HSPD1: variants seen among roughly 807,000 people sequenced by gnomAD.
HSPD1 encodes heat shock protein family D (Hsp60) member 1, also known as 60 kDa heat shock protein, mitochondrial.
In HSPD1, 3 loss-of-function variants were observed where a neutral mutation model predicts 53.0. The observed-to-expected ratio is 0.06, with a 90% CI of 0.03 to 0.15. The LOEUF is 0.15. Among genes scored for constraint, HSPD1 ranks in the 10% least tolerant of loss-of-function variants. The pLI, the probability that HSPD1 is intolerant of heterozygous loss-of-function variation, is 1.00. For missense variants in HSPD1, 431 were observed against 694.1 expected, an observed-to-expected ratio of 0.62 and a Z score of 4.26; for synonymous variants, 200 against 228.0, an observed-to-expected ratio of 0.88 and a Z score of 1.10.
chr2:197,491,190 G>T (rs1414873561), intron 7 of HSPD1, among the ~76,000 whole-genome samples: 167 of 136,746 alleles, frequency 1.2e-3, no homozygotes, highest in African/African-American at 3.8e-3. Context: ...TTTTTTGTGT[G>T]TTTTTTTTTT....
intron 3 of HSPD1, among the ~76,000 whole-genome samples, chr2:197,496,204 A>C (rs2106078248): frequency 6.6e-6 from 1 of 152,302 alleles, no homozygotes; most frequent in South Asian, 2.1e-4. Context: ...TAATAGTCCC[A>C]TTTTGCTCAA....
chr2:197,496,674 A>G (rs959013885), intron 3 of HSPD1, among the ~76,000 whole-genome samples: 4 of 152,226 alleles, frequency 2.6e-5, no homozygotes, highest in Non-Finnish European at 5.9e-5. Context: ...ACACAAACCA[A>G]TAACATGGTG....
Position 197,495,396 on chromosome 2 carries a change from C to A in HSPD1, c.428-20G>T. Reference sequence around the variant, plus strand: ...TCACACCTAGTTCAACGATATATGTCATTACAATGTTTATTTCTCTCATGG... The same window carrying A: ...TCACACCTAGTTCAACGATATATGTAATTACAATGTTTATTTCTCTCATGG... On this transcript the variant is annotated intron_variant, in intron 3 of 11. Transcript: ENST00000388968. 6.9e-7 allele frequency: 1 copy of A among 1,444,096 alleles called. No homozygotes were observed. Among genetic ancestry groups the A allele is most frequent in the South Asian group, 1.1e-5 (1 of 87,622 alleles). 89.5% of individuals were successfully genotyped at this position (1,444,096 alleles called of 1,614,324 possible). A position where few individuals can be genotyped will look rare whatever the true frequency, so the allele number is the denominator to read the frequency against.
At chr2:197,500,139 A>C, upstream of HSPD1, 1 of 492,194 alleles carries the variant, frequency 2.0e-6, no homozygotes, top group Non-Finnish European at 3.7e-6. Flanking sequence ...CCGGGAGGGG[A>C]CGAAGGGGTA....
upstream of HSPD1, chr2:197,500,150 G>C: frequency 3.7e-6 from 2 of 538,318 alleles, 1 homozygote; most frequent in South Asian, 4.6e-5. Context: ...CGAAGGGGTA[G>C]TTCTTTCACC....
At chr2:197,493,570 C>T in intron 6 of HSPD1, 78 bp from the exon 7 acceptor site, 3 of 1,045,502 alleles carry the variant, frequency 2.9e-6, no homozygotes, top group Non-Finnish European at 4.4e-6. Flanking sequence ...AACCAAGGTT[C>T]CAATACACTT....
intron 10 of HSPD1, 115 bp from the exon 11 acceptor site, chr2:197,488,151 A>G (rs2086049419): frequency 1.0e-6 from 1 of 997,700 alleles, no homozygotes; most frequent in Non-Finnish European, 1.6e-6. Flanking sequence ...AGATCAAATC[A>G]TTTCCTCTGA....
chr2:197,495,274 G>GT lies in HSPD1; in HGVS notation c.510+19dup. 6.7e-7 allele frequency: 1 copy of GT among 1,483,520 alleles called. No homozygotes were observed. Among genetic ancestry groups the GT allele is most frequent in the South Asian group, 1.1e-5 (1 of 87,338 alleles). The allele number at this position is 1,483,520 out of a possible 1,614,324, so 91.9% of individuals were successfully genotyped here. A position where few individuals can be genotyped will look rare whatever the true frequency, so the allele number is the denominator to read the frequency against. On this transcript the variant is annotated intron_variant, in intron 4 of 11. Transcript: ENST00000388968. ...CCATTAAATTTTTTTTAAAAAACGT[G>GT]TAACATGTTAAGTCCTTACCTGTGC... is the stretch of plus-strand genomic sequence containing the variant.
In HSPD1 at chr2:197,499,827, G is replaced by A. The variant is rs2086221516; in HGVS notation, c.-48C>T. 6.6e-6 allele frequency: 1 copy of A among 152,256 alleles called. No homozygotes were observed. The allele number at this position is 152,256 out of a possible 1,614,324, so 9.4% of individuals were successfully genotyped here. ...GTGCGCTCGGCGAGACAGGTCGTCG[G>A]CGGCGAGTGAGGGACAGAGTGCAGG... On this transcript the variant is annotated 5_prime_UTR_variant, in exon 1 of 12. Transcript: ENST00000388968.
At chr2:197,500,264 C>A (rs1215317014), upstream of HSPD1, 3 of 800,810 alleles carry the variant, frequency 3.7e-6, no homozygotes, top group African/African-American at 3.5e-5. Context: ...AATCGCGGTG[C>A]GCGTCGGGGC....
At position 197,498,526 on chromosome 2, in the gene HSPD1, A is replaced by C. The variant is rs938072878; in HGVS notation, c.174+149T>G. 5 of 753,990 alleles carry C rather than the reference A, an allele frequency of 6.6e-6. No homozygotes were observed. In the Admixed American group the frequency reaches 1.1e-4, roughly 16 times the overall value. 46.7% of individuals were successfully genotyped at this position (753,990 alleles called of 1,614,324 possible). On this transcript the variant is annotated intron_variant, in intron 2 of 11. Coordinates refer to ENST00000388968, the MANE Select transcript of HSPD1 (RefSeq NM_002156.5). The stretch of plus-strand genomic sequence containing the variant: ...CTTTAAGATCATGTCTAAGAAAAAA[A>C]GGCTAACCAATACTTCAGAATTCTT...
intron 4 of HSPD1, 119 bp downstream of exon 4, chr2:197,495,175 T>A (rs2086142234): frequency 1.4e-6 from 1 of 698,244 alleles, no homozygotes; most frequent in African/African-American, 1.8e-5. Context: ...GAAACAATGA[T>A]TCTAATATTG....
intron 7 of HSPD1, among the ~76,000 whole-genome samples, chr2:197,492,793 C>T (rs923922252): frequency 6.6e-6 from 1 of 151,434 alleles, no homozygotes; most frequent in Non-Finnish European, 1.5e-5. Flanking sequence ...GGGCGGATCA[C>T]GAGGTCAGGA....
Position 197,493,657 on chromosome 2 carries a change from T to C in HSPD1, c.701-165A>G, listed in dbSNP as rs555485005. ...CTTTTGGAATATATACATTTATTTT[T>C]TAGAGGATGACACCAACTAATACCT... On this transcript the variant is annotated intron_variant, in intron 6 of 11. Coordinates refer to ENST00000388968, the MANE Select transcript of HSPD1 (RefSeq NM_002156.5). 7.2e-5 allele frequency among the ~76,000 whole-genome samples: 11 copies of C among 152,336 alleles called. No individual in the cohort carries two copies. The South Asian group carries it at 2.3e-3, about 32-fold the overall frequency.
Position 197,494,760 on chromosome 2 carries a change from A to C in HSPD1, c.511-8T>G, listed in dbSNP as rs760240799. ...TGCAGAAATCGTAGCAACCTGAAAT[A>C]ATCCAGTTACTCTTCGAAATTAAAA... On this transcript the variant is annotated splice_region_variant and splice_polypyrimidine_tract_variant and intron_variant, in intron 4 of 11. Transcript: ENST00000388968. 6.3e-7 allele frequency: 1 copy of C among 1,581,950 alleles called. No homozygotes were observed. Among genetic ancestry groups the C allele is most frequent in the Non-Finnish European group, 8.7e-7 (1 of 1,150,802 alleles).
chr2:197,498,288 C>G (rs567353521), intron 2 of HSPD1, among the ~76,000 whole-genome samples: 1 of 152,228 alleles, frequency 6.6e-6, no homozygotes, highest in African/African-American at 2.4e-5. Flanking sequence ...AAAAATTTAG[C>G]ATCTACAAGC....
At chr2:197,498,925 A>T (rs1675103239) in intron 1 of HSPD1, 75 bp from the exon 2 acceptor site, 1 of 1,332,668 alleles carries the variant, frequency 7.5e-7, no homozygotes, top group Non-Finnish European at 1.1e-6. Flanking sequence ...CCACCTGTGC[A>T]ACAGAGCAAG....
At chr2:197,491,769 A>G (rs977272470) in intron 7 of HSPD1, among the ~76,000 whole-genome samples, 4 of 152,236 alleles carry the variant, frequency 2.6e-5, no homozygotes, top group African/African-American at 9.6e-5. Flanking sequence ...ATAAGTGACT[A>G]GACCTCACCT....
Position 197,497,189 on chromosome 2 carries a change from T to A in HSPD1, c.378A>T (p.Glu126Asp), listed in dbSNP as rs1224596345. The change falls in exon 3 of 12, where the codon GAA becomes GAT. Residue 126 changes from glutamate to aspartate, a missense_variant. Glu to Asp is a conservative substitution (Grantham distance 45). Coordinates refer to ENST00000388968, the MANE Select transcript of HSPD1 (RefSeq NM_002156.5). ...CACCTTTGCTAATCTTCTCGAAGCC[T>A]TCCTTGGCTATAGAGCGTGCCAGTA... ...ATVLARSIAK[E>D]GFEKISKGAN... is the part of the protein sequence containing the mutation. 6.2e-7 allele frequency: 1 copy of A among 1,614,026 alleles called. No individual in the cohort carries two copies. The highest frequency in any genetic ancestry group is 1.7e-5 in the Admixed American group (1 of 60,012).
Sources: allele counts gnomAD v4.1 joint callset (sites outside exome capture counted in the v4.1 genomes callset), GRCh38; gene constraint gnomAD v4.1.1; transcripts MANE v1.5; gene names NCBI Gene and HGNC (gene_info 2026-07-23, HGNC 2026-07-21).